The following AXDND1 variants were observed in gnomAD, a reference collection of about 807,000 sequenced individuals.
The protein encoded by AXDND1 is axonemal dynein light chain domain containing 1.
A neutral mutation model predicts 137.5 loss-of-function variants in AXDND1; 110 were observed. That is an observed-to-expected ratio of 0.80 (90% CI 0.69 to 0.94). The LOEUF (loss-of-function observed/expected upper bound fraction) is 0.94. Ranked by LOEUF, AXDND1 falls within the 40% of genes least tolerant of loss-of-function variation. The pLI is 0.00. For synonymous variants in AXDND1, 414 were observed against 399.7 expected (o/e 1.04, Z -0.43); for missense variants, 1,191 against 1,169.8 (o/e 1.02, Z -0.26).
chr1:179,402,236 C>A (rs1652211178), intron 11 of AXDND1, among the ~76,000 whole-genome samples: 1 of 151,438 alleles, frequency 6.6e-6, no homozygotes, highest in Admixed American at 6.6e-5. Context: ...TAATATGTAA[C>A]ATGAGATACT....
chr1:179,526,426 C>CA (rs1670534560), intron 22 of AXDND1, among the ~76,000 whole-genome samples: 1 of 152,144 alleles, frequency 6.6e-6, no homozygotes, highest in Non-Finnish European at 1.5e-5. Flanking sequence ...CTGATTTACT[C>CA]AAAATCATAT....
intron 17 of AXDND1, among the ~76,000 whole-genome samples, chr1:179,476,545 C>A (rs1209065056): frequency 8.0e-6 from 1 of 125,272 alleles, no homozygotes; most frequent in Non-Finnish European, 1.7e-5. Flanking sequence ...CTACTAGCAA[C>A]AAATTCTTCG....
chr1:179,517,568 T>G (rs933944352), intron 21 of AXDND1, among the ~76,000 whole-genome samples: 2 of 152,226 alleles, frequency 1.3e-5, no homozygotes, highest in Non-Finnish European at 2.9e-5. Context: ...GAAGGATCCC[T>G]GTGGTGCCAG....
In AXDND1 at chr1:179,374,178, A is replaced by C. The variant is rs372486221; in HGVS notation, c.374+4100A>C. On this transcript the variant is annotated intron_variant, in intron 4 of 25. Coordinates refer to ENST00000367618, the MANE Select transcript of AXDND1 (RefSeq NM_144696.6). The stretch of plus-strand genomic sequence containing the variant: ...AAGTGGGCAAAGGATACAAACAGAC[A>C]CTTCTCAAAAGAAGATATTCATGCA... Among the ~76,000 whole-genome samples, 82 of 152,362 alleles carry C rather than the reference A, an allele frequency of 5.4e-4. 2 individuals are homozygous for C. The South Asian group carries it at 0.016, about 30-fold the overall frequency.
chr1:179,394,315 A>G (rs1650675377), intron 10 of AXDND1, among the ~76,000 whole-genome samples: 1 of 152,190 alleles, frequency 6.6e-6, no homozygotes, highest in Non-Finnish European at 1.5e-5. Context: ...GTTGCTGGGC[A>G]TGGTGGCTCA....
At position 179,368,657 on chromosome 1, in the gene AXDND1, A is replaced by G. The variant is rs1203897425; in HGVS notation, c.98-143A>G. The G allele has an allele frequency of 5.2e-5, 35 of 671,550 alleles. No individual in the cohort carries two copies. In the Admixed American group the frequency reaches 7.2e-4, roughly 14 times the overall value. 41.6% of individuals were successfully genotyped at this position (671,550 alleles called of 1,614,324 possible). A position where few individuals can be genotyped will look rare whatever the true frequency, so the allele number is the denominator to read the frequency against. Reference sequence around the variant, plus strand: ...GACTAGATGATGTTCACTGTTTTCAATATTATTTGTTACTATCTTTGTCAA... The same window carrying G: ...GACTAGATGATGTTCACTGTTTTCAGTATTATTTGTTACTATCTTTGTCAA... On this transcript the variant is annotated intron_variant, in intron 2 of 25. Coordinates refer to ENST00000367618, the MANE Select transcript of AXDND1 (RefSeq NM_144696.6).
chr1:179,494,855 A>G (rs573215158), intron 20 of AXDND1, among the ~76,000 whole-genome samples: 4 of 152,302 alleles, frequency 2.6e-5, no homozygotes, highest in South Asian at 4.1e-4. Context: ...ATTCAAGTCT[A>G]TGACCCATTT....
intron 4 of AXDND1, among the ~76,000 whole-genome samples, chr1:179,376,050 T>G (rs1668587009): frequency 4.6e-5 from 7 of 152,194 alleles, no homozygotes. Flanking sequence ...TCCCACCATT[T>G]CACAATATTG....
intron 11 of AXDND1, among the ~76,000 whole-genome samples, chr1:179,405,881 T>G (rs1652879530): frequency 6.6e-6 from 1 of 152,058 alleles, no homozygotes; most frequent in African/African-American, 2.4e-5. Context: ...TGCTCTGACA[T>G]TTATTATTTG....
chr1:179,551,061 C>T, intron 25 of AXDND1: 1 of 1,350,580 alleles, frequency 7.4e-7, no homozygotes, highest in Non-Finnish European at 1.0e-6. Flanking sequence ...ATTCCATGGC[C>T]ATTCCATATG....
intron 24 of AXDND1, among the ~76,000 whole-genome samples, chr1:179,534,276 T>G (rs1399890018): frequency 1.3e-5 from 2 of 152,202 alleles, no homozygotes; most frequent in Non-Finnish European, 2.9e-5. Flanking sequence ...GAGAAGAGCG[T>G]AGCCATGTAG....
chr1:179,370,879 T>C (rs575481923), intron 4 of AXDND1, among the ~76,000 whole-genome samples: 2 of 152,322 alleles, frequency 1.3e-5, no homozygotes, highest in South Asian at 4.1e-4. Context: ...ACAAATAAGA[T>C]AATAGATGCA....
At chr1:179,419,370 G>T (rs557190177) in intron 12 of AXDND1, among the ~76,000 whole-genome samples, 2,002 of 151,298 alleles carry the variant, frequency 0.013, 58 homozygotes, top group African/African-American at 0.046. Context: ...CCGGCACCTC[G>T]GGAGGCCAAG....
intron 16 of AXDND1, among the ~76,000 whole-genome samples, chr1:179,464,467 C>G (rs1333035381): frequency 6.6e-6 from 1 of 152,144 alleles, no homozygotes; most frequent in African/African-American, 2.4e-5. Context: ...GCTTGTAGAG[C>G]TTCTGCCAAG....
chr1:179,530,206 C>T (rs1429126751), intron 23 of AXDND1, among the ~76,000 whole-genome samples: 1 of 151,944 alleles, frequency 6.6e-6, no homozygotes, highest in East Asian at 1.9e-4. Context: ...ATTTTTTGTA[C>T]TTTTAATAGA....
intron 17 of AXDND1, among the ~76,000 whole-genome samples, chr1:179,469,270 TG>T (rs1300378711): frequency 6.6e-6 from 1 of 152,166 alleles, no homozygotes; most frequent in Non-Finnish European, 1.5e-5. Flanking sequence ...TTGTACTGTG[TG>T]GTCTTTGTGT....
At chr1:179,435,361 C>T (rs946800543) in intron 15 of AXDND1, among the ~76,000 whole-genome samples, 16 of 152,038 alleles carry the variant, frequency 1.1e-4, no homozygotes, top group Admixed American at 8.5e-4. Flanking sequence ...TCATATGGAA[C>T]CAAAAAAGAG....
At chr1:179,431,213 C>T (rs1657325401) in intron 14 of AXDND1, among the ~76,000 whole-genome samples, 1 of 152,152 alleles carries the variant, frequency 6.6e-6, no homozygotes, top group Admixed American at 6.5e-5. Flanking sequence ...GCAATCTTGG[C>T]TCACTGCTGC....
chr1:179,512,280 T>G (rs1408206516), intron 21 of AXDND1, among the ~76,000 whole-genome samples: 1 of 152,230 alleles, frequency 6.6e-6, no homozygotes, highest in Non-Finnish European at 1.5e-5. Context: ...CTCCTACATG[T>G]GGCTAGCCAA....
Sources: gnomAD v4.1 joint callset for allele counts (sites outside exome capture counted in the v4.1 genomes callset) on GRCh38, gnomAD v4.1.1 for gene constraint, MANE v1.5 for transcripts, NCBI Gene and HGNC (gene_info 2026-07-23, HGNC 2026-07-21) for gene names.